Variants in SLC15A1 observed in about 807,000 individuals in gnomAD.
SLC15A1 encodes the protein solute carrier family 15 member 1, also known as Caco-2 oligopeptide transporter.
Under a neutral mutation model 92.9 loss-of-function variants are expected in SLC15A1, and 83 were observed. That is an observed-to-expected ratio of 0.89 (90% CI 0.75 to 1.07). SLC15A1 has a LOEUF of 1.07. Among genes scored for constraint, SLC15A1 ranks in the 50% least tolerant of loss-of-function variants. The pLI, the probability that SLC15A1 is intolerant of heterozygous loss-of-function variation, is 0.00. For missense variants in SLC15A1, 857 were observed against 880.1 expected (o/e 0.97, Z 0.33); for synonymous variants, 322 against 318.2 (o/e 1.01, Z -0.13).
chr13:98,688,172 T>C (rs1400165642), intron 20 of SLC15A1, 76 bp downstream of exon 20: 8 of 935,722 alleles, frequency 8.5e-6, no homozygotes, highest in African/African-American at 5.0e-5. Context: ...AATCATATTA[T>C]GTCCTAAGTG....
At chr13:98,707,443 A>G (rs1040737515) in intron 15 of SLC15A1, among the ~76,000 whole-genome samples, 8 of 152,244 alleles carry the variant, frequency 5.3e-5, no homozygotes, top group Non-Finnish European at 8.8e-5. Flanking sequence ...GTGCTAGAGT[A>G]GTCAGATTCA....
intron 1 of SLC15A1, among the ~76,000 whole-genome samples, chr13:98,729,412 A>T (rs547393473): frequency 4.6e-5 from 7 of 152,318 alleles, no homozygotes; most frequent in South Asian, 2.1e-4. Flanking sequence ...TGCACCTGAG[A>T]TTTGCATCTC....
At chr13:98,689,450 T>C (rs1203766660) in intron 18 of SLC15A1, among the ~76,000 whole-genome samples, 1 of 151,950 alleles carries the variant, frequency 6.6e-6, no homozygotes, top group African/African-American at 2.4e-5. Flanking sequence ...AGACGGTTTT[T>C]TCAGTCTTTT....
intron 16 of SLC15A1, 76 bp downstream of exon 16, chr13:98,706,058 G>GA: frequency 2.0e-6 from 3 of 1,524,358 alleles, no homozygotes; most frequent in Non-Finnish European, 2.6e-6. Flanking sequence ...CAAGGACCAA[G>GA]AAAAACAGCT....
intron 18 of SLC15A1, among the ~76,000 whole-genome samples, chr13:98,689,896 G>T (rs2087961273): frequency 6.6e-6 from 1 of 152,166 alleles, no homozygotes; most frequent in South Asian, 2.1e-4. Flanking sequence ...TCTCTACAAA[G>T]TCCCGTGAGG....
intron 1 of SLC15A1, among the ~76,000 whole-genome samples, chr13:98,751,576 A>G (rs920745624): frequency 3.3e-5 from 5 of 152,188 alleles, no homozygotes; most frequent in African/African-American, 9.7e-5. Context: ...CCAGAGAGGG[A>G]AGTTGCAGGT....
chr13:98,712,247 C>T (rs1188254170), intron 10 of SLC15A1, among the ~76,000 whole-genome samples: 3 of 152,086 alleles, frequency 2.0e-5, no homozygotes, highest in Non-Finnish European at 4.4e-5. Context: ...GTTATGTGAT[C>T]CCAATTACAT....
chr13:98,751,989 G>A (rs1418083778), intron 1 of SLC15A1, among the ~76,000 whole-genome samples: 1 of 152,200 alleles, frequency 6.6e-6, no homozygotes, highest in African/African-American at 2.4e-5. Context: ...TCGGAAGCGG[G>A]GCAGGAGTCA....
intron 21 of SLC15A1, among the ~76,000 whole-genome samples, chr13:98,687,101 C>T (rs2087935054): frequency 6.6e-6 from 1 of 151,972 alleles, no homozygotes; most frequent in Non-Finnish European, 1.5e-5. Context: ...GCGTGCTCTA[C>T]CATGCTCAGC....
At chr13:98,713,652 G>C (rs1182701282) in intron 9 of SLC15A1, among the ~76,000 whole-genome samples, 1 of 152,192 alleles carries the variant, frequency 6.6e-6, no homozygotes, top group Non-Finnish European at 1.5e-5. Context: ...TTCCTTGTTA[G>C]TGTTGTTTAG....
At chr13:98,696,966 C>G (rs2088026370) in intron 18 of SLC15A1, among the ~76,000 whole-genome samples, 1 of 152,162 alleles carries the variant, frequency 6.6e-6, no homozygotes, top group Non-Finnish European at 1.5e-5. Flanking sequence ...CATTTACAAG[C>G]CGAGGAGACA....
intron 1 of SLC15A1, among the ~76,000 whole-genome samples, chr13:98,749,307 A>G (rs1435403213): frequency 6.6e-6 from 1 of 152,238 alleles, no homozygotes; most frequent in Non-Finnish European, 1.5e-5. Flanking sequence ...GCCAGCCAGG[A>G]GGCTGAGATC....
chr13:98,729,029 C>G (rs371119139), intron 1 of SLC15A1, among the ~76,000 whole-genome samples: 1 of 46,926 alleles, frequency 2.1e-5, no homozygotes, highest in Non-Finnish European at 5.0e-5. Flanking sequence ...AAACAAAAAA[C>G]AAACAGAATA....
intron 22 of SLC15A1, among the ~76,000 whole-genome samples, chr13:98,685,633 C>T (rs1190827863): frequency 6.6e-6 from 1 of 152,178 alleles, no homozygotes; most frequent in African/African-American, 2.4e-5. Context: ...AGGGCAACTT[C>T]AAGTTAACCC....
intron 1 of SLC15A1, among the ~76,000 whole-genome samples, chr13:98,745,831 G>A (rs899318546): frequency 6.6e-5 from 9 of 136,120 alleles, no homozygotes; most frequent in African/African-American, 2.4e-4. Context: ...GAGTTTAGGT[G>A]TCTTGATGTA....
intron 4 of SLC15A1, among the ~76,000 whole-genome samples, 176 bp from the exon 5 acceptor site, chr13:98,724,207 T>C (rs1009371309): frequency 6.6e-6 from 1 of 152,080 alleles, no homozygotes; most frequent in Non-Finnish European, 1.5e-5. Flanking sequence ...GCAAAAAGAA[T>C]AGAACAAAGT....
chr13:98,737,426 G>T (rs1165192649), intron 1 of SLC15A1, among the ~76,000 whole-genome samples: 1 of 152,074 alleles, frequency 6.6e-6, no homozygotes, highest in East Asian at 1.9e-4. Flanking sequence ...AAACCAACAT[G>T]GCACATGTAT....
At position 98,707,891 on chromosome 13, in the gene SLC15A1, TAAAA is replaced by T. The variant is rs745924829; in HGVS notation, c.1149+791_1149+794del. Among the ~76,000 whole-genome samples, 890 of 106,840 alleles carry T rather than the reference TAAAA, an allele frequency of 8.3e-3. 7 individuals carry two copies. The highest frequency in any genetic ancestry group is 0.02 in the Middle Eastern group (4 of 204). The allele number at this position is 106,840 out of a possible 152,430, so 70.1% of individuals were successfully genotyped here. ...CTAGGCGACAGAGTGAGACCCTGTT[TAAAA>T]AAAAAAAAAAAAAAAAAAAAAAAAA... is the stretch of plus-strand genomic sequence containing the variant. On this transcript the variant is annotated intron_variant, in intron 15 of 22. Transcript: ENST00000376503.
intron 1 of SLC15A1, among the ~76,000 whole-genome samples, chr13:98,731,337 CGT>C (rs984174336): frequency 6.6e-6 from 1 of 152,184 alleles, no homozygotes; most frequent in African/African-American, 2.4e-5. Context: ...GTCGGGCAAG[CGT>C]GTGTTTTGCA....
Sources: gnomAD v4.1 joint callset for allele counts (sites outside exome capture counted in the v4.1 genomes callset) on GRCh38, gnomAD v4.1.1 for gene constraint, MANE v1.5 for transcripts, NCBI Gene and HGNC (gene_info 2026-07-23, HGNC 2026-07-21) for gene names.